NTM: variants seen among roughly 807,000 people sequenced by gnomAD.
The protein encoded by NTM is IgLON family member 2.
NTM carries 13 observed loss-of-function variants against 42.1 expected under a neutral mutation model. The observed-to-expected ratio is 0.31, with a 90% CI of 0.20 to 0.49. The LOEUF (loss-of-function observed/expected upper bound fraction) is 0.49, where lower values mean the gene tolerates loss of function less well. Among genes scored for constraint, NTM ranks in the 20% least tolerant of loss-of-function variants. NTM has a pLI of 0.99. For synonymous variants in NTM, 187 were observed against 179.2 expected (o/e 1.04, Z -0.35); for missense variants, 373 against 452.8 (o/e 0.82, Z 1.60).
chr11:132,233,020 T>G (rs2087954045), intron 4 of NTM, among the ~76,000 whole-genome samples: 1 of 151,846 alleles, frequency 6.6e-6, no homozygotes, highest in African/African-American at 2.4e-5. Flanking sequence ...TGGAAGGGAG[T>G]CTAAGGAAAT....
intron 1 of NTM, among the ~76,000 whole-genome samples, chr11:131,777,461 C>G (rs906592319): frequency 9.3e-6 from 1 of 107,080 alleles, no homozygotes; most frequent in South Asian, 3.7e-4. Flanking sequence ...CCCATGCAAT[C>G]CTAGTGTGAG....
At chr11:132,127,135 G>A (rs1248904990) in intron 2 of NTM, among the ~76,000 whole-genome samples, 3 of 152,132 alleles carry the variant, frequency 2.0e-5, no homozygotes, top group African/African-American at 7.2e-5. Context: ...TGAGTCTTAT[G>A]GGTTGACTCT....
At chr11:131,829,556 T>C (rs1222637484) in intron 1 of NTM, among the ~76,000 whole-genome samples, 2 of 152,218 alleles carry the variant, frequency 1.3e-5, no homozygotes, top group East Asian at 1.9e-4. Context: ...ATGGTGTATA[T>C]GTACCATGTT....
rs71475771 is a variant in NTM, at chr11:131,721,996, C to CAAAA, written c.83-189545_83-189542dup. Among the ~76,000 whole-genome samples the CAAAA allele has an allele frequency of 1.3e-3, 13 of 10,280 alleles. 2 individuals carry two copies. Among genetic ancestry groups the CAAAA allele is most frequent in the African/African-American group, 2.9e-3 (10 of 3,496 alleles). 6.7% of individuals were successfully genotyped at this position (10,280 alleles called of 152,430 possible). A position where few individuals can be genotyped will look rare whatever the true frequency, so the allele number is the denominator to read the frequency against. On this transcript the variant is annotated intron_variant, in intron 1 of 8. Transcript: ENST00000683400. ...CCAGGACAAGAGTGAAACTCTGTCT[C>CAAAA]AAAAAAAAAAAAAAAAAAAAAAAAA...
intron 1 of NTM, among the ~76,000 whole-genome samples, chr11:131,659,501 C>T (rs899658010): frequency 4.6e-5 from 7 of 152,192 alleles, no homozygotes; most frequent in African/African-American, 1.4e-4. Context: ...CTTCAAGGTC[C>T]TCTGGCCACT....
intron 2 of NTM, among the ~76,000 whole-genome samples, chr11:132,139,197 C>G (rs1318822874): frequency 6.6e-6 from 1 of 152,096 alleles, no homozygotes; most frequent in Non-Finnish European, 1.5e-5. Context: ...CTTTGGTCAC[C>G]TAGGGGAAAA....
chr11:131,680,226 A>G (rs978594299), intron 1 of NTM, among the ~76,000 whole-genome samples: 12 of 152,188 alleles, frequency 7.9e-5, no homozygotes, highest in Admixed American at 5.2e-4. Flanking sequence ...TGAAATTGAC[A>G]TTTTGGATTT....
chr11:131,585,797 T>C (rs1227470198), intron 1 of NTM, among the ~76,000 whole-genome samples: 2 of 152,182 alleles, frequency 1.3e-5, no homozygotes, highest in African/African-American at 4.8e-5. Context: ...TTTCAGCTCA[T>C]TTTCTCTTTG....
In NTM at chr11:132,157,191, G is replaced by A. The variant is rs546223595; in HGVS notation, c.400+10677G>A. 2.0e-5 allele frequency among the ~76,000 whole-genome samples: 3 copies of A among 152,304 alleles called. No homozygotes were observed. In the South Asian group the frequency reaches 6.2e-4, roughly 32 times the overall value. On this transcript the variant is annotated intron_variant, in intron 3 of 8. Coordinates refer to ENST00000683400, the MANE Select transcript of NTM (RefSeq NM_001352005.2). ...ATATGGAAATGTGTTATAGAAAAAGGAAACAAATACACTGACCTTCAATGT... is the reference window on the plus strand; with the variant it reads ...ATATGGAAATGTGTTATAGAAAAAGAAAACAAATACACTGACCTTCAATGT...
At chr11:131,905,344 T>C (rs2053712715) in intron 1 of NTM, among the ~76,000 whole-genome samples, 1 of 152,070 alleles carries the variant, frequency 6.6e-6, no homozygotes, top group Non-Finnish European at 1.5e-5. Flanking sequence ...GAACACACAA[T>C]GTCGATGGCA....
chr11:132,037,762 A>AT (rs1215159305), intron 2 of NTM, among the ~76,000 whole-genome samples: 5 of 152,090 alleles, frequency 3.3e-5, no homozygotes, highest in Admixed American at 6.6e-5. Flanking sequence ...ATTAAAATAC[A>AT]TTTTTTTCTT....
intron 2 of NTM, among the ~76,000 whole-genome samples, chr11:132,098,278 T>TC (rs34201124): frequency 0.7 from 105,760 of 152,074 alleles, 37,453 homozygotes; most frequent in African/African-American, 0.76. Flanking sequence ...ATTAGTATAT[T>TC]CCCCCAAAAT....
rs1040784702 is a variant in NTM at position 132,268,828 on chromosome 11, G to GCT, written c.527-38854_527-38853dup. ...CTATGAGAATAGTAACATTGTCTAC[G>GCT]CTCTCTCTAGCAGAAAGGAAAGGAT... is the stretch of plus-strand genomic sequence containing the variant. On this transcript the variant is annotated intron_variant, in intron 4 of 8. Coordinates refer to ENST00000683400, the MANE Select transcript of NTM (RefSeq NM_001352005.2). Among the ~76,000 whole-genome samples the GCT allele has an allele frequency of 3.3e-5, 5 of 152,116 alleles. No individual in the cohort carries two copies. In the East Asian group the frequency reaches 7.7e-4, roughly 24 times the overall value.
intron 8 of NTM, 25 bp from the exon 9 acceptor site, chr11:132,335,021 C>A (rs1266925797): frequency 6.2e-7 from 1 of 1,605,910 alleles, no homozygotes; most frequent in Non-Finnish European, 8.5e-7. Context: ...CCAGACCACT[C>A]ACGGCGAGTG....
At chr11:131,524,943 T>C (rs1319530365) in intron 1 of NTM, among the ~76,000 whole-genome samples, 1 of 152,176 alleles carries the variant, frequency 6.6e-6, no homozygotes, top group Non-Finnish European at 1.5e-5. Flanking sequence ...GTCATGAGGA[T>C]TGAGTGAGAG....
chr11:131,498,937 T>C (rs377563826), intron 1 of NTM, among the ~76,000 whole-genome samples: 2 of 152,200 alleles, frequency 1.3e-5, no homozygotes, highest in African/African-American at 4.8e-5. Context: ...AGATGTGACC[T>C]ATGCACCCTA....
intron 1 of NTM, among the ~76,000 whole-genome samples, chr11:131,573,812 T>C (rs951714549): frequency 2.6e-5 from 4 of 152,096 alleles, no homozygotes; most frequent in African/African-American, 9.7e-5. Flanking sequence ...TACTCAGTCA[T>C]CTCTCGAGTT....
rs66748602 is a variant in NTM at position 132,278,743 on chromosome 11, TTCTCTCTC to T, written c.527-28912_527-28905del. On this transcript the variant is annotated intron_variant, in intron 4 of 8. Transcript: ENST00000683400. Reference sequence around the variant, plus strand: ...TGTCTTTCTTAACCTTCATTTGGGCTTCTCTCTCTCTCTCTCTCTCTCTCTCTCTCTCT... The same window carrying T: ...TGTCTTTCTTAACCTTCATTTGGGCTTCTCTCTCTCTCTCTCTCTCTCTCT... 8.9e-3 allele frequency among the ~76,000 whole-genome samples: 1,234 copies of T among 138,066 alleles called. 15 individuals are homozygous for T. Among genetic ancestry groups the T allele is most frequent in the East Asian group, 0.034 (143 of 4,162 alleles). 90.6% of individuals were successfully genotyped at this position (138,066 alleles called of 152,430 possible).
chr11:132,252,183 A>C (rs75747222), intron 4 of NTM, among the ~76,000 whole-genome samples: 1 of 41,978 alleles, frequency 2.4e-5, no homozygotes, highest in South Asian at 7.1e-4. Context: ...CCTCATCTTT[A>C]TCTTAGCATT....
Sources: allele counts gnomAD v4.1 joint callset (sites outside exome capture counted in the v4.1 genomes callset), GRCh38; gene constraint gnomAD v4.1.1; transcripts MANE v1.5; gene names NCBI Gene and HGNC (gene_info 2026-07-23, HGNC 2026-07-21).